PTGFRN: variants seen among roughly 807,000 people sequenced by gnomAD.
PTGFRN encodes the protein prostaglandin F2 receptor inhibitor, also known as prostaglandin F2 receptor negative regulator.
A neutral mutation model predicts 83.2 loss-of-function variants in PTGFRN; 35 were observed. The ratio of observed to expected loss-of-function variants is 0.42; its 90% CI spans 0.32 to 0.56. The LOEUF (loss-of-function observed/expected upper bound fraction) is 0.56, where lower values mean the gene tolerates loss of function less well. Among genes scored for constraint, PTGFRN ranks in the 20% least tolerant of loss-of-function variants. The probability of loss-of-function intolerance (pLI) is 0.11; values close to 1 mark genes in which losing one functional copy is unlikely to be tolerated. For synonymous variants in PTGFRN, 519 were observed against 498.6 expected, an observed-to-expected ratio of 1.04 and a Z score of -0.55; for missense variants, 1,051 against 1,179.5, an observed-to-expected ratio of 0.89 and a Z score of 1.60.
In PTGFRN at chr1:116,910,098, C is replaced by G; in HGVS notation, c.-106C>G. 1 of 1,252,710 alleles carries G rather than the reference C, an allele frequency of 8.0e-7. No individual in the cohort carries two copies. Among genetic ancestry groups the G allele is most frequent in the African/African-American group, 1.5e-5 (1 of 64,808 alleles). The allele number at this position is 1,252,710 out of a possible 1,614,324, so 77.6% of individuals were successfully genotyped here. A position where few individuals can be genotyped will look rare whatever the true frequency, so the allele number is the denominator to read the frequency against. On this transcript the variant is annotated 5_prime_UTR_variant, in exon 1 of 9. Coordinates refer to ENST00000393203, the MANE Select transcript of PTGFRN (RefSeq NM_020440.4). ...AGGAGAGCGGAGCAGGCGCGCGGCC[C>G]AGGCGGAGGAGCGCCGACTCTGGAG... is the stretch of plus-strand genomic sequence containing the variant.
chr1:116,968,962 G>A (rs901903969), intron 6 of PTGFRN, among the ~76,000 whole-genome samples: 3 of 151,992 alleles, frequency 2.0e-5, no homozygotes, highest in African/African-American at 4.8e-5. Flanking sequence ...GTTGATGGAC[G>A]TTTAGACTAT....
At position 116,944,801 on chromosome 1, in the gene PTGFRN, C is replaced by T; in HGVS notation, c.541C>T (p.Leu181=). The T allele has an allele frequency of 6.4e-7, 1 of 1,568,516 alleles. No individual in the cohort carries two copies. Among genetic ancestry groups the T allele is most frequent in the Non-Finnish European group, 8.6e-7 (1 of 1,161,040 alleles). ...AASASPLHTH[L]ALLWEVHRGP... is the part of the protein sequence containing the mutation. ...CTCCGCCTCGCCGCTGCACACGCAC[C>T]TGGCGCTGCTGTGGGAGGTGCACCG... The change falls in exon 3 of 9, where the codon CTG becomes TTG. Residue 181 remains leucine, a synonymous_variant. Transcript: ENST00000393203.
chr1:116,962,124 C>T (rs984781644), intron 5 of PTGFRN, among the ~76,000 whole-genome samples: 10 of 152,156 alleles, frequency 6.6e-5, no homozygotes, highest in African/African-American at 1.4e-4. Context: ...GCTTCCAGGT[C>T]GTTTTCGCTC....
intron 1 of PTGFRN, among the ~76,000 whole-genome samples, chr1:116,926,673 C>A (rs1181916057): frequency 6.6e-6 from 1 of 152,120 alleles, no homozygotes; most frequent in Non-Finnish European, 1.5e-5. Context: ...AACTATAAAG[C>A]AATGCTATGC....
chr1:116,923,325 T>C lies in PTGFRN; in HGVS notation c.49+13073T>C, dbSNP rs1348867586. Among the ~76,000 whole-genome samples, 3 of 152,254 alleles carry C rather than the reference T, an allele frequency of 2.0e-5. No homozygotes were observed. The highest frequency in any genetic ancestry group is 7.2e-5 in the African/African-American group (3 of 41,464). ...TGTGTCCTTTTTACTATCTTTCTTATGTGTGCTTATTTATCTTCTTTTGTT... is the reference window on the plus strand; with the variant it reads ...TGTGTCCTTTTTACTATCTTTCTTACGTGTGCTTATTTATCTTCTTTTGTT... On this transcript the variant is annotated intron_variant, in intron 1 of 8. Transcript: ENST00000393203. The surrounding 1 kb of genome is among the most constrained non-coding windows in gnomAD (Gnocchi z 4.0).
In PTGFRN at chr1:116,918,483, G is replaced by A. The variant is rs569206535; in HGVS notation, c.49+8231G>A. The stretch of plus-strand genomic sequence containing the variant: ...TTGGCAGCACCTGGGGGAATCTCAG[G>A]TCCAAACTTGTGAATCAAAGTTTGT... On this transcript the variant is annotated intron_variant, in intron 1 of 8. Coordinates refer to ENST00000393203, the MANE Select transcript of PTGFRN (RefSeq NM_020440.4). The surrounding 1 kb of genome is among the most constrained non-coding windows in gnomAD (Gnocchi z 4.1). Among the ~76,000 whole-genome samples the A allele has an allele frequency of 1.1e-3, 172 of 152,344 alleles. No homozygotes were observed. The highest frequency in any genetic ancestry group is 4.0e-3 in the African/African-American group (167 of 41,588).
intron 4 of PTGFRN, among the ~76,000 whole-genome samples, chr1:116,959,965 CA>C (rs371241957): frequency 3.3e-3 from 451 of 135,504 alleles, no homozygotes; most frequent in African/African-American, 0.012. Flanking sequence ...TAAGACTGTC[CA>C]AAAAAAAAAC....
At chr1:116,936,672 G>T (rs1231407315) in intron 1 of PTGFRN, among the ~76,000 whole-genome samples, 1 of 152,206 alleles carries the variant, frequency 6.6e-6, no homozygotes, top group Non-Finnish European at 1.5e-5. Flanking sequence ...TTTCCAGAAA[G>T]TGAAGAGATG....
In PTGFRN at chr1:116,989,470, CA is replaced by C. The variant is rs1651640541; in HGVS notation, c.*2505del. The C allele has an allele frequency of 6.6e-6, 1 of 152,630 alleles. No individual in the cohort carries two copies. The highest frequency in any genetic ancestry group is 6.5e-5 in the Admixed American group (1 of 15,282). 9.5% of individuals were successfully genotyped at this position (152,630 alleles called of 1,614,324 possible). ...AGGGCTCCCCACCCCACCCCTGCGA[CA>C]AGTGCTCTTCTAGAACAGGTTCCTA... On this transcript the variant is annotated 3_prime_UTR_variant, in exon 9 of 9. Transcript: ENST00000393203.
intron 1 of PTGFRN, among the ~76,000 whole-genome samples, chr1:116,912,624 GTTGA>G (rs1424539698): frequency 1.3e-5 from 2 of 151,980 alleles, no homozygotes; most frequent in African/African-American, 2.4e-5. Flanking sequence ...TGTCTTCCTG[GTTGA>G]TTATTTCCTC....
intron 1 of PTGFRN, among the ~76,000 whole-genome samples, chr1:116,922,441 C>A (rs1337860973): frequency 6.6e-6 from 1 of 152,146 alleles, no homozygotes; most frequent in Non-Finnish European, 1.5e-5. Flanking sequence ...ATTTTCATTA[C>A]CATTTATCCC....
rs1157787505 is a variant in PTGFRN, at chr1:116,988,142, C to T, written c.*1175C>T. ...TAGAAGCACCATGTTTTTTCTATGACCTTTTCAGTCCTTCAGGTCATTTTA... is the reference window on the plus strand; with the variant it reads ...TAGAAGCACCATGTTTTTTCTATGATCTTTTCAGTCCTTCAGGTCATTTTA... On this transcript the variant is annotated 3_prime_UTR_variant, in exon 9 of 9. Coordinates refer to ENST00000393203, the MANE Select transcript of PTGFRN (RefSeq NM_020440.4). The T allele has an allele frequency of 6.6e-6, 1 of 152,150 alleles. No individual in the cohort carries two copies. Among genetic ancestry groups the T allele is most frequent in the East Asian group, 1.9e-4 (1 of 5,194 alleles). 9.4% of individuals were successfully genotyped at this position (152,150 alleles called of 1,614,324 possible).
chr1:116,954,804 G>T (rs1448973199), intron 4 of PTGFRN, among the ~76,000 whole-genome samples: 1 of 152,116 alleles, frequency 6.6e-6, no homozygotes, highest in Non-Finnish European at 1.5e-5. Context: ...CTTTTTGTTT[G>T]TTTTTCATTT....
chr1:116,917,604 A>G (rs2101050524), intron 1 of PTGFRN, among the ~76,000 whole-genome samples: 1 of 152,202 alleles, frequency 6.6e-6, no homozygotes, highest in South Asian at 2.1e-4. Flanking sequence ...CATGCTAGTT[A>G]GAGGTTTTCT....
intron 1 of PTGFRN, among the ~76,000 whole-genome samples, chr1:116,916,950 C>T (rs962742721): frequency 6.6e-6 from 1 of 152,004 alleles, no homozygotes; most frequent in African/African-American, 2.4e-5. Context: ...CTTGGAAATG[C>T]CTGCAGTGAG....
chr1:116,934,336 A>G (rs533404489), intron 1 of PTGFRN, among the ~76,000 whole-genome samples: 2 of 151,962 alleles, frequency 1.3e-5, no homozygotes, highest in Admixed American at 6.6e-5. Flanking sequence ...TGTTAGAGAC[A>G]GGGTCTCACT....
intron 6 of PTGFRN, 106 bp from the exon 7 acceptor site, chr1:116,974,110 G>T (rs1651075920): frequency 1.2e-6 from 1 of 837,466 alleles, no homozygotes; most frequent in Non-Finnish European, 1.9e-6. Context: ...TTCTAGACCA[G>T]TTCCCAGGGA....
intron 7 of PTGFRN, among the ~76,000 whole-genome samples, chr1:116,979,685 T>C (rs1651255407): frequency 6.6e-6 from 1 of 152,200 alleles, no homozygotes; most frequent in Admixed American, 6.5e-5. Flanking sequence ...AAGCTGAAAC[T>C]GGATCCCTTC....
At position 116,966,903 on chromosome 1, in the gene PTGFRN, C is replaced by A. The variant is rs754077172; in HGVS notation, c.1640-8C>A. ...TGGAAATCACATCCTTCTGGTCATT[C>A]ATTCCAGATTCCGTGCTTGTGGTGA... On this transcript the variant is annotated splice_polypyrimidine_tract_variant and splice_region_variant and intron_variant, in intron 5 of 8. Coordinates refer to ENST00000393203, the MANE Select transcript of PTGFRN (RefSeq NM_020440.4). 2 of 1,582,824 alleles carry A rather than the reference C, an allele frequency of 1.3e-6. No individual in the cohort carries two copies. The highest frequency in any genetic ancestry group is 1.7e-6 in the Non-Finnish European group (2 of 1,159,362).
Sources: gnomAD v4.1 joint callset for allele counts (sites outside exome capture counted in the v4.1 genomes callset) on GRCh38, gnomAD v4.1.1 for gene constraint, Gnocchi (gnomAD v3.1) non-coding constraint, MANE v1.5 for transcripts, NCBI Gene and HGNC (gene_info 2026-07-23, HGNC 2026-07-21) for gene names.